The following ZNF324B variants were observed in gnomAD, a reference collection of about 807,000 sequenced individuals.
ZNF324B encodes the protein zinc finger protein 324B.
ZNF324B carries 7 observed loss-of-function variants against 10.6 expected under a neutral mutation model. The ratio of observed to expected loss-of-function variants is 0.66; its 90% CI spans 0.38 to 1.24. ZNF324B has a LOEUF of 1.24. Among genes scored for constraint, ZNF324B ranks in the 50% most tolerant of loss-of-function variants. The pLI, the probability that ZNF324B is intolerant of heterozygous loss-of-function variation, is 0.02. For missense variants in ZNF324B, 640 were observed against 764.7 expected, an observed-to-expected ratio of 0.84 and a Z score of 1.92; for synonymous variants, 316 against 321.0, an observed-to-expected ratio of 0.98 and a Z score of 0.17.
chr19:58,451,600 C>A (rs763488183), upstream of ZNF324B: 3 of 516,860 alleles, frequency 5.8e-6, no homozygotes, highest in Non-Finnish European at 1.2e-5. Context: ...GCTCTGGGGG[C>A]TGGACTTCCG....
the ZNF324B span, among the ~76,000 whole-genome samples, chr19:58,427,349 CCTTTCTTTCTTT>C: frequency 1.4e-3 from 81 of 55,988 alleles, 1 homozygote; most frequent in East Asian, 0.028. Flanking sequence ...CTTTCTCTTT[CCTTTCTTTCTTT>C]CTTTCTTTCT....
chr19:58,452,843 A>G (rs1568603140), intron 1 of ZNF324B: 1 of 155,848 alleles, frequency 6.4e-6, no homozygotes, highest in Non-Finnish European at 1.4e-5. Flanking sequence ...AGGTGGCTGA[A>G]TAGGAGAGGG....
the ZNF324B span, among the ~76,000 whole-genome samples, chr19:58,424,781 A>T: frequency 6.6e-5 from 10 of 152,154 alleles, no homozygotes; most frequent in Non-Finnish European, 5.9e-5. Context: ...AGCCTGGGCA[A>T]CATAGCCAGA....
the ZNF324B span, among the ~76,000 whole-genome samples, chr19:58,422,801 CA>C: frequency 8.8e-5 from 13 of 148,242 alleles, no homozygotes; most frequent in African/African-American, 9.9e-5. Flanking sequence ...AACCCCCTTC[CA>C]AAAAAAAAAT....
At chr19:58,436,167 C>A in the ZNF324B span, 6 of 153,620 alleles carry the variant, frequency 3.9e-5, no homozygotes, top group African/African-American at 1.2e-4. Flanking sequence ...TTGCCTAGGA[C>A]CGGGGGGAAA....
chr19:58,446,980 T>C (rs184197961), upstream of ZNF324B, among the ~76,000 whole-genome samples: 117 of 151,530 alleles, frequency 7.7e-4, no homozygotes, highest in African/African-American at 2.6e-3. Flanking sequence ...TTCTTTTCTC[T>C]CTTTCTTTTT....
the ZNF324B span, among the ~76,000 whole-genome samples, chr19:58,438,659 G>A: frequency 6.6e-6 from 1 of 151,988 alleles, no homozygotes; most frequent in East Asian, 1.9e-4. Context: ...ATTTTTAGTA[G>A]AGATGGGGTT....
At chr19:58,423,396 G>A in the ZNF324B span, among the ~76,000 whole-genome samples, 55 of 152,306 alleles carry the variant, frequency 3.6e-4, no homozygotes, top group Middle Eastern at 3.4e-3. Context: ...TCCTGACCTC[G>A]TGATCTGCCC....
At chr19:58,422,714 A>C in the ZNF324B span, among the ~76,000 whole-genome samples, 20 of 152,222 alleles carry the variant, frequency 1.3e-4, no homozygotes, top group Non-Finnish European at 1.5e-4. Context: ...TCTACAAGGA[A>C]AATTACAGAA....
chr19:58,421,152 G>A, the ZNF324B span, among the ~76,000 whole-genome samples: 2 of 152,060 alleles, frequency 1.3e-5, no homozygotes, highest in Non-Finnish European at 2.9e-5. Flanking sequence ...GGCAATGGCG[G>A]GCCTGTCTTA....
chr19:58,427,504 TTTTCTTTC>T, the ZNF324B span, among the ~76,000 whole-genome samples: 377 of 104,500 alleles, frequency 3.6e-3, 39 homozygotes, highest in African/African-American at 0.018. Flanking sequence ...CTTTCTTTCT[TTTTCTTTC>T]TTTCTTTCTT....
In ZNF324B at chr19:58,454,878, G is replaced by A. The variant is rs116048789; in HGVS notation, c.239-305G>A. On this transcript the variant is annotated intron_variant, in intron 3 of 3. Transcript: ENST00000336614. Reference sequence around the variant, plus strand: ...AAGGGAGTGAGCTATGGAAAGGGAGGGGGTGGAACAGCCAGTGTGGAGACG... The same window carrying A: ...AAGGGAGTGAGCTATGGAAAGGGAGAGGGTGGAACAGCCAGTGTGGAGACG... 2.3e-3 allele frequency: 1,276 copies of A among 557,692 alleles called. 15 individuals are homozygous for A. Among genetic ancestry groups the A allele is most frequent in the African/African-American group, 0.022 (1,192 of 53,178 alleles). The allele number at this position is 557,692 out of a possible 1,614,324, so 34.5% of individuals were successfully genotyped here. A position where few individuals can be genotyped will look rare whatever the true frequency, so the allele number is the denominator to read the frequency against.
the ZNF324B span, chr19:58,436,256 T>C: frequency 1.9e-5 from 3 of 154,316 alleles, no homozygotes; most frequent in African/African-American, 7.2e-5. Context: ...GATGAAAACA[T>C]GCTAAAATTA....
At chr19:58,432,426 G>A in the ZNF324B span, 1 of 416,992 alleles carries the variant, frequency 2.4e-6, no homozygotes, top group Non-Finnish European at 4.7e-6. Context: ...TGTCCATGAT[G>A]GCATGTGCCC....
chr19:58,434,569 A>C, the ZNF324B span: 28 of 1,613,994 alleles, frequency 1.7e-5, no homozygotes, highest in Non-Finnish European at 2.4e-5. Flanking sequence ...CTCCTTACAC[A>C]CATGGGGTAT....
the ZNF324B span, chr19:58,440,409 G>C: frequency 6.5e-6 from 1 of 154,256 alleles, no homozygotes; most frequent in African/African-American, 2.4e-5. Context: ...GGCACTTCCG[G>C]GCGGAGTGTA....
Position 58,452,746 on chromosome 19 carries a change from C to G in ZNF324B, c.-6-950C>G, listed in dbSNP as rs1048946474. ...GGCCTATAAACTGGACTGAAGAAGG[C>G]GATGAGCAGTCAGGCGTGCGGAGTT... On this transcript the variant is annotated intron_variant, in intron 1 of 3. Coordinates refer to ENST00000336614, the MANE Select transcript of ZNF324B (RefSeq NM_207395.3). 4 of 719,044 alleles carry G rather than the reference C, an allele frequency of 5.6e-6. No individual in the cohort carries two copies. The South Asian group carries it at 2.5e-4, about 45-fold the overall frequency. 44.5% of individuals were successfully genotyped at this position (719,044 alleles called of 1,614,324 possible).
chr19:58,447,074 C>T (rs2052831521), upstream of ZNF324B, among the ~76,000 whole-genome samples: 1 of 152,124 alleles, frequency 6.6e-6, no homozygotes, highest in South Asian at 2.1e-4. Flanking sequence ...CTCCCGGTTT[C>T]AAGCAATTCT....
chr19:58,445,349 C>G, the ZNF324B span: 1 of 505,742 alleles, frequency 2.0e-6, no homozygotes, highest in Non-Finnish European at 3.9e-6. Context: ...CAGCTCCTGC[C>G]TTGATGTGCA....
Sources: gnomAD v4.1 joint callset for allele counts (sites outside exome capture counted in the v4.1 genomes callset) on GRCh38, gnomAD v4.1.1 for gene constraint, MANE v1.5 for transcripts, NCBI Gene and HGNC (gene_info 2026-07-23, HGNC 2026-07-21) for gene names.